The following CASS4 variants were observed in gnomAD, a reference collection of about 807,000 sequenced individuals.
The protein encoded by CASS4 is Cas scaffold protein family member 4, also known as cas scaffolding protein family member 4.
Under a neutral mutation model 54.2 loss-of-function variants are expected in CASS4, and 22 were observed. The ratio of observed to expected loss-of-function variants is 0.41; its 90% CI spans 0.29 to 0.58. The LOEUF (loss-of-function observed/expected upper bound fraction) is 0.58, where lower values mean the gene tolerates loss of function less well. CASS4 is among the 20% of genes least tolerant of loss of function. The pLI is 0.36. For synonymous variants in CASS4, 409 were observed against 391.5 expected (o/e 1.04, Z -0.53); for missense variants, 854 against 986.7 (o/e 0.87, Z 1.80).
Position 56,459,286 on chromosome 20 carries a change from T to C in CASS4, c.*539T>C, listed in dbSNP as rs1024988855. The C allele has an allele frequency of 2.5e-5, 4 of 157,678 alleles. No individual in the cohort carries two copies. Among genetic ancestry groups the C allele is most frequent in the African/African-American group, 9.6e-5 (4 of 41,476 alleles). 9.8% of individuals were successfully genotyped at this position (157,678 alleles called of 1,614,324 possible). ...TGAACCCAGCCAACCAATGCATTCA[T>C]AACAGATTCAGAAAGAAAAAATATA... On this transcript the variant is annotated 3_prime_UTR_variant, in exon 6 of 6. Transcript: ENST00000679887.
upstream of CASS4, chr20:56,412,237 G>A (rs1978909148): frequency 3.6e-6 from 2 of 553,172 alleles, no homozygotes; most frequent in Non-Finnish European, 6.4e-6. The surrounding 1 kb of genome is among the most constrained non-coding windows in gnomAD (Gnocchi z 4.2). Flanking sequence ...TGTATTTCTG[G>A]TCCTCCCCTG....
chr20:56,429,592 T>C (rs1371495007), intron 1 of CASS4, among the ~76,000 whole-genome samples: 1 of 152,088 alleles, frequency 6.6e-6, no homozygotes, highest in African/African-American at 2.4e-5. Context: ...CCTCCAACTT[T>C]CCATGCGCCC....
At position 56,452,456 on chromosome 20, in the gene CASS4, A is replaced by C. The variant is rs139403781; in HGVS notation, c.1280A>C (p.Glu427Ala). ...STDDSSSSSS[E>A]ESAKELSLDL... ...GACGACTCCTCCAGCTCTTCCTCGG[A>C]GGAGTCAGCAAAGGAGCTCTCCTTG... The change falls in exon 5 of 6, where the codon GAG becomes GCG. Residue 427 changes from glutamate to alanine, a missense_variant. Coordinates refer to ENST00000679887, the MANE Select transcript of CASS4 (RefSeq NM_020356.4). 3 of 1,613,694 alleles carry C rather than the reference A, an allele frequency of 1.9e-6. No homozygotes were observed. The African/African-American group carries it at 4.0e-5, about 22-fold the overall frequency.
chr20:56,420,871 C>G (rs60280958), intron 1 of CASS4, among the ~76,000 whole-genome samples: 3,648 of 152,176 alleles, frequency 0.024, 143 homozygotes, highest in African/African-American at 0.082. Context: ...CGGTAAGCCC[C>G]CTTTGGGTAT....
Position 56,446,020 on chromosome 20 carries a change from C to G in CASS4, c.561+19C>G. On this transcript the variant is annotated intron_variant, in intron 3 of 5. Transcript: ENST00000679887. Reference sequence around the variant, plus strand: ...CCTGAAGGTGAGCCTTGTTCAGGGGCCCCTCATCACCCAGACCTCTGCGCC... The same window carrying G: ...CCTGAAGGTGAGCCTTGTTCAGGGGGCCCTCATCACCCAGACCTCTGCGCC... The G allele has an allele frequency of 1.3e-6, 2 of 1,501,698 alleles. No individual in the cohort carries two copies. 93.0% of individuals were successfully genotyped at this position (1,501,698 alleles called of 1,614,324 possible). A position where few individuals can be genotyped will look rare whatever the true frequency, so the allele number is the denominator to read the frequency against.
intron 5 of CASS4, among the ~76,000 whole-genome samples, chr20:56,458,008 C>G (rs1981379868): frequency 8.3e-6 from 1 of 119,826 alleles, no homozygotes; most frequent in African/African-American, 3.1e-5. Flanking sequence ...AAGGAAAACT[C>G]TGTCTCAAAA....
Position 56,428,928 on chromosome 20 carries a change from C to G in CASS4, c.37-8236C>G, listed in dbSNP as rs141509053. On this transcript the variant is annotated intron_variant, in intron 1 of 5. Transcript: ENST00000679887. ...GCAATCAGTGTACCCCCCGACCTGCCCCCCAGCCCTGACATTCTTGAGTTT... is the reference window on the plus strand; with the variant it reads ...GCAATCAGTGTACCCCCCGACCTGCGCCCCAGCCCTGACATTCTTGAGTTT... Among the ~76,000 whole-genome samples, 477 of 145,404 alleles carry G rather than the reference C, an allele frequency of 3.3e-3. 3 individuals carry two copies. Among genetic ancestry groups the G allele is most frequent in the African/African-American group, 0.013 (462 of 35,368 alleles).
chr20:56,457,056 T>G (rs1052625982), intron 5 of CASS4, among the ~76,000 whole-genome samples: 16 of 152,226 alleles, frequency 1.1e-4, no homozygotes, highest in African/African-American at 3.6e-4. Flanking sequence ...CTTCACTTTC[T>G]ATGACAAAGA....
At chr20:56,456,869 T>C (rs1198697951) in intron 5 of CASS4, among the ~76,000 whole-genome samples, 1 of 151,160 alleles carries the variant, frequency 6.6e-6, no homozygotes, top group Non-Finnish European at 1.5e-5. Flanking sequence ...TTGTTTTTGG[T>C]AGAGACAGAG....
rs979578866 is a variant in CASS4 at position 56,412,962 on chromosome 20, A to G, written c.36+468A>G. 6.6e-6 allele frequency among the ~76,000 whole-genome samples: 1 copy of G among 152,152 alleles called. No individual in the cohort carries two copies. ...GGCACTTACATGTTATTTTCATGTT[A>G]ACTTGTGCATTATGTGAGCAAAGCT... On this transcript the variant is annotated intron_variant, in intron 1 of 5. Coordinates refer to ENST00000679887, the MANE Select transcript of CASS4 (RefSeq NM_020356.4). This position sits in a 1 kb window ranked among gnomAD's most constrained non-coding sequence, Gnocchi z 4.2.
At chr20:56,429,111 C>T (rs1272405227) in intron 1 of CASS4, among the ~76,000 whole-genome samples, 1 of 152,218 alleles carries the variant, frequency 6.6e-6, no homozygotes, top group Non-Finnish European at 1.5e-5. Flanking sequence ...GGAACAGGGA[C>T]AATGAGGCAG....
At chr20:56,422,989 A>G (rs1311115952) in intron 1 of CASS4, among the ~76,000 whole-genome samples, 1 of 152,142 alleles carries the variant, frequency 6.6e-6, no homozygotes, top group African/African-American at 2.4e-5. Context: ...GGAGTGTGGG[A>G]GAGAATGCGT....
At position 56,458,654 on chromosome 20, in the gene CASS4, C is replaced by T. The variant is rs140753551; in HGVS notation, c.2268C>T (p.Leu756=). The change falls in exon 6 of 6, where the codon CTC becomes CTT. Residue 756 remains leucine (L), a synonymous_variant. Transcript: ENST00000679887. ...CGCTGGCCACTAAGAATGCCGTGCTCACGTACCCCAGCCCTGCCGCGCTGG... is the reference window on the plus strand; with the variant it reads ...CGCTGGCCACTAAGAATGCCGTGCTTACGTACCCCAGCCCTGCCGCGCTGG... ...DVALATKNAV[L]TYPSPAALGH... is the part of the protein sequence containing the mutation. 68 of 1,613,480 alleles carry T rather than the reference C, an allele frequency of 4.2e-5. No individual in the cohort carries two copies. In the Middle Eastern group the frequency reaches 5.1e-4, roughly 12 times the overall value.
chr20:56,444,580 C>G (rs1980617428), intron 2 of CASS4, among the ~76,000 whole-genome samples: 1 of 152,198 alleles, frequency 6.6e-6, no homozygotes, highest in Admixed American at 6.5e-5. Flanking sequence ...TTCAGGAGGT[C>G]TGGGTGGGAG....
chr20:56,458,870 C>A lies in CASS4; in HGVS notation c.*123C>A. 1 of 1,042,774 alleles carries A rather than the reference C, an allele frequency of 9.6e-7. No homozygotes were observed. Among genetic ancestry groups the A allele is most frequent in the Non-Finnish European group, 1.4e-6 (1 of 734,416 alleles). The allele number at this position is 1,042,774 out of a possible 1,614,324, so 64.6% of individuals were successfully genotyped here. ...CCAATGAGCTGAAACAGACCTGGTG[C>A]CCAAAGCTGGTAGTACCAAGTGGCT... is the stretch of plus-strand genomic sequence containing the variant. On this transcript the variant is annotated 3_prime_UTR_variant, in exon 6 of 6. Coordinates refer to ENST00000679887, the MANE Select transcript of CASS4 (RefSeq NM_020356.4).
At chr20:56,431,814 T>A (rs1194025040) in intron 1 of CASS4, among the ~76,000 whole-genome samples, 1 of 152,238 alleles carries the variant, frequency 6.6e-6, no homozygotes, top group African/African-American at 2.4e-5. Flanking sequence ...ACATTTCAGA[T>A]GATCGGTTTT....
In CASS4 at chr20:56,450,584, G is replaced by C; in HGVS notation, c.562-15G>C. 6.2e-7 allele frequency: 1 copy of C among 1,613,140 alleles called. No homozygotes were observed. The highest frequency in any genetic ancestry group is 1.3e-5 in the African/African-American group (1 of 75,030). ...AGAAACATTCAAGTTGTCTGCCTTT[G>C]TGGTCTTTCCCCAGGAGCCAGAGAA... On this transcript the variant is annotated splice_polypyrimidine_tract_variant and intron_variant, in intron 3 of 5. Transcript: ENST00000679887.
chr20:56,436,251 G>A (rs960637995), intron 1 of CASS4, among the ~76,000 whole-genome samples: 7 of 151,584 alleles, frequency 4.6e-5, no homozygotes, highest in Non-Finnish European at 1.0e-4. Context: ...CCTGTACCAA[G>A]TACTTACTAA....
At chr20:56,412,116 AGT>A, upstream of CASS4, 1 of 344,270 alleles carries the variant, frequency 2.9e-6, no homozygotes, top group Non-Finnish European at 5.5e-6. This position sits in a 1 kb window ranked among gnomAD's most constrained non-coding sequence, Gnocchi z 4.2. Flanking sequence ...AAAGCAGAAG[AGT>A]GGTGTTTTTT....
Sources: gnomAD v4.1 joint callset for allele counts (sites outside exome capture counted in the v4.1 genomes callset) on GRCh38, gnomAD v4.1.1 for gene constraint, Gnocchi (gnomAD v3.1) non-coding constraint, MANE v1.5 for transcripts, NCBI Gene and HGNC (gene_info 2026-07-23, HGNC 2026-07-21) for gene names.